Variants in TERF2 observed in about 807,000 individuals in gnomAD.
The protein encoded by TERF2 is telomeric repeat-binding factor 2.
In TERF2, 16 loss-of-function variants were observed where a neutral mutation model predicts 56.1. The ratio of observed to expected loss-of-function variants is 0.29; its 90% CI spans 0.19 to 0.43. The LOEUF is 0.43. TERF2 is among the 20% of genes least tolerant of loss of function. The pLI is 1.00. For synonymous variants in TERF2, 296 were observed against 282.1 expected, an observed-to-expected ratio of 1.05 and a Z score of -0.50; for missense variants, 547 against 712.9, an observed-to-expected ratio of 0.77 and a Z score of 2.65.
chr16:69,385,790 G>C lies in TERF2; in HGVS notation c.182C>G (p.Ala61Gly). ...DGSGRAAGRR[A>G]SRSSGRARRG... ...CCGGGCCCGCCCGCTACTGCGGGAC[G>C]CCCGCCTGCCAGCTGCCCGCCCGCT... Residue 61 changes from alanine (A) to glycine (G), a missense_variant, in exon 1 of 10, where the codon GCG (alanine) becomes GGG (glycine). Around this residue, in one of 6 missense-constraint regions of TERF2, gnomAD observed 120 missense variants for 172.4 expected, o/e 0.70. Coordinates refer to ENST00000254942, the MANE Select transcript of TERF2 (RefSeq NM_005652.5). 7.7e-7 allele frequency: 1 copy of C among 1,292,136 alleles called. No individual in the cohort carries two copies. Among genetic ancestry groups the C allele is most frequent in the Non-Finnish European group, 9.8e-7 (1 of 1,021,474 alleles). The allele number at this position is 1,292,136 out of a possible 1,614,324, so 80.0% of individuals were successfully genotyped here.
chr16:69,368,349 C>T lies in TERF2; in HGVS notation c.947+27G>A, dbSNP rs35439397. The stretch of plus-strand genomic sequence containing the variant: ...CCAGCGACCACCCTAGTGTTTTACC[C>T]AAGATCACAAGAGAGCATCTTTTTA... On this transcript the variant is annotated intron_variant, in intron 6 of 9. Coordinates refer to ENST00000254942, the MANE Select transcript of TERF2 (RefSeq NM_005652.5). The T allele has an allele frequency of 0.16, 259,054 of 1,608,744 alleles. 22,822 individuals carry two copies. Among genetic ancestry groups the T allele is most frequent in the Middle Eastern group, 0.25 (1,210 of 4,808 alleles).
At chr16:69,380,795 T>C (rs1274147024) in intron 3 of TERF2, among the ~76,000 whole-genome samples, 3 of 151,752 alleles carry the variant, frequency 2.0e-5, no homozygotes, top group Non-Finnish European at 2.9e-5. Context: ...TATTGACACA[T>C]TCATTAATTT....
chr16:69,379,051 G>C (rs977014924), intron 3 of TERF2, among the ~76,000 whole-genome samples: 1 of 151,942 alleles, frequency 6.6e-6, no homozygotes, highest in Non-Finnish European at 1.5e-5. Flanking sequence ...AGGTTTCTAG[G>C]GTATAAGCAA....
chr16:69,356,497 A>G lies in TERF2; in HGVS notation c.*401T>C. 3.7e-6 allele frequency: 1 copy of G among 271,432 alleles called. No individual in the cohort carries two copies. The highest frequency in any genetic ancestry group is 7.2e-6 in the Non-Finnish European group (1 of 137,944). 16.8% of individuals were successfully genotyped at this position (271,432 alleles called of 1,614,324 possible). A position where few individuals can be genotyped will look rare whatever the true frequency, so the allele number is the denominator to read the frequency against. ...TTGCCCAAAATTCTCATCCCAGCCC[A>G]GCTTCTGAAAGAAACAGCAGATGCC... On this transcript the variant is annotated 3_prime_UTR_variant, in exon 10 of 10. Coordinates refer to ENST00000254942, the MANE Select transcript of TERF2 (RefSeq NM_005652.5).
chr16:69,379,613 C>G (rs2013920436), intron 3 of TERF2, among the ~76,000 whole-genome samples: 1 of 152,182 alleles, frequency 6.6e-6, no homozygotes, highest in African/African-American at 2.4e-5. Flanking sequence ...ACTGCAGACC[C>G]TCAAAGAGCT....
At chr16:69,359,239 T>C (rs2013034106) in intron 8 of TERF2, among the ~76,000 whole-genome samples, 1 of 152,136 alleles carries the variant, frequency 6.6e-6, no homozygotes, top group Non-Finnish European at 1.5e-5. Flanking sequence ...TGAAATCACA[T>C]GGTTTTGGCT....
At position 69,361,615 on chromosome 16, in the gene TERF2, G is replaced by A. The variant is rs2013143668; in HGVS notation, c.1341-126C>T. On this transcript the variant is annotated intron_variant, in intron 7 of 9. Transcript: ENST00000254942. ...CCCGTTGTGACCACAATCGAGGTTC[G>A]CCTGCATGCACCTCCCAAAGCCACT... 5.7e-6 allele frequency: 4 copies of A among 704,508 alleles called. No homozygotes were observed. In the South Asian group the frequency reaches 6.6e-5, roughly 12 times the overall value. The allele number at this position is 704,508 out of a possible 1,614,324, so 43.6% of individuals were successfully genotyped here.
chr16:69,359,482 C>T lies in TERF2; in HGVS notation c.1427-1921G>A, dbSNP rs867550368. ...GGTGGAGGTTGCGGTGAGGCAAGAT[C>T]GCGCCACTGCACCCCAGCCTGGGCA... On this transcript the variant is annotated intron_variant, in intron 8 of 9. Coordinates refer to ENST00000254942, the MANE Select transcript of TERF2 (RefSeq NM_005652.5). 6.1e-5 allele frequency among the ~76,000 whole-genome samples: 9 copies of T among 148,748 alleles called. No individual in the cohort carries two copies. The South Asian group carries it at 1.9e-3, about 32-fold the overall frequency.
chr16:69,363,490 T>C (rs153045), intron 7 of TERF2, among the ~76,000 whole-genome samples: 42,975 of 152,050 alleles, frequency 0.28, 7,223 homozygotes, highest in East Asian at 0.42. Flanking sequence ...CTAACTGTAA[T>C]GGGCTGAGTG....
At chr16:69,371,781 C>T (rs1423643863) in intron 4 of TERF2, among the ~76,000 whole-genome samples, 1 of 151,894 alleles carries the variant, frequency 6.6e-6, no homozygotes, top group Non-Finnish European at 1.5e-5. Flanking sequence ...CACCACTGCA[C>T]CCCAGCTTGA....
At chr16:69,379,044 T>C (rs1001999678) in intron 3 of TERF2, among the ~76,000 whole-genome samples, 3 of 152,078 alleles carry the variant, frequency 2.0e-5, no homozygotes, top group African/African-American at 7.2e-5. Flanking sequence ...TTTGTTAAGG[T>C]TTCTAGGGTA....
chr16:69,373,295 G>C (rs1396177726), intron 3 of TERF2, among the ~76,000 whole-genome samples: 1 of 152,100 alleles, frequency 6.6e-6, no homozygotes, highest in Non-Finnish European at 1.5e-5. Flanking sequence ...GGTCTCACCA[G>C]CCACAGAGAG....
chr16:69,360,397 GA>G (rs946338296), intron 8 of TERF2, among the ~76,000 whole-genome samples: 2 of 149,756 alleles, frequency 1.3e-5, no homozygotes, highest in African/African-American at 4.9e-5. Context: ...AAAAAAAAAA[GA>G]AAAAAAGAAA....
At chr16:69,363,472 C>T (rs1003328357) in intron 7 of TERF2, among the ~76,000 whole-genome samples, 3 of 152,126 alleles carry the variant, frequency 2.0e-5, no homozygotes, top group Non-Finnish European at 4.4e-5. Flanking sequence ...GAGATCTGGC[C>T]GCTCCTCCTA....
In TERF2 at chr16:69,367,338, T is replaced by C; in HGVS notation, c.948-139A>G. On this transcript the variant is annotated intron_variant, in intron 6 of 9. Coordinates refer to ENST00000254942, the MANE Select transcript of TERF2 (RefSeq NM_005652.5). ...TGTGATATGTAAGTTGTATTATGAA[T>C]TTAAAACTCCAAGTTAGAGAACCTT... 6 of 919,698 alleles carry C rather than the reference T, an allele frequency of 6.5e-6. 1 individual carries two copies. The highest frequency in any genetic ancestry group is 9.5e-6 in the Non-Finnish European group (6 of 628,856). The allele number at this position is 919,698 out of a possible 1,614,324, so 57.0% of individuals were successfully genotyped here. A position where few individuals can be genotyped will look rare whatever the true frequency, so the allele number is the denominator to read the frequency against.
chr16:69,385,549 C>G (rs375759981), intron 1 of TERF2, 44 bp downstream of exon 1: 7 of 1,556,730 alleles, frequency 4.5e-6, no homozygotes, highest in Admixed American at 1.7e-5. Context: ...CCCCGGACCC[C>G]CTTCCCCGGC....
Position 69,366,917 on chromosome 16 carries a change from G to T in TERF2, c.1230C>A (p.Ser410Arg). The change falls in exon 7 of 10, where the codon AGC becomes AGA. Residue 410 changes from serine to arginine, a missense_variant. Physicochemically the swap from Ser to Arg is moderately radical, Grantham distance 110. Transcript: ENST00000254942. ...TISRLVLEED[S>R]QSTEPSAGLN... ...GGCCTGCGCTGGGCTCAGTACTCTG[G>T]CTGTCCTCCTCCAAGACCAATCTGC... The T allele has an allele frequency of 6.2e-7, 1 of 1,614,208 alleles. No individual in the cohort carries two copies. The highest frequency in any genetic ancestry group is 8.5e-7 in the Non-Finnish European group (1 of 1,180,024).
intron 7 of TERF2, chr16:69,366,589 A>C (rs2013352794): frequency 1.8e-6 from 1 of 554,078 alleles, no homozygotes; most frequent in Non-Finnish European, 3.1e-6. Context: ...ATTCCCACTC[A>C]TGCCCTAGTG....
intron 3 of TERF2, among the ~76,000 whole-genome samples, chr16:69,383,988 G>A (rs1406395898): frequency 6.6e-6 from 1 of 152,128 alleles, no homozygotes; most frequent in Admixed American, 6.6e-5. Context: ...AGCTACCTGA[G>A]CCACAACACA....
Sources: gnomAD v4.1 joint callset for allele counts (sites outside exome capture counted in the v4.1 genomes callset) on GRCh38, gnomAD v4.1.1 for gene constraint, gnomAD v4.1.1 regional missense constraint, MANE v1.5 for transcripts, NCBI Gene and HGNC (gene_info 2026-07-23, HGNC 2026-07-21) for gene names.